Variants in CPNE2 observed in about 807,000 individuals in gnomAD.
CPNE2 encodes the protein copine-2.
A neutral mutation model predicts 69.7 loss-of-function variants in CPNE2; 42 were observed. The ratio of observed to expected loss-of-function variants is 0.60; its 90% CI spans 0.47 to 0.78. The LOEUF (loss-of-function observed/expected upper bound fraction) is 0.78, where lower values mean the gene tolerates loss of function less well. Among genes scored for constraint, CPNE2 ranks in the 30% least tolerant of loss-of-function variants. The probability of loss-of-function intolerance (pLI) is 0.00; values close to 1 mark genes in which losing one functional copy is unlikely to be tolerated. For synonymous variants in CPNE2, 294 were observed against 289.8 expected (o/e 1.01, Z -0.15); for missense variants, 587 against 732.0 (o/e 0.80, Z 2.29).
chr16:57,146,016 A>G lies in CPNE2; in HGVS notation c.1303-69A>G. ...TCCAGGACTCGGAGGGTTTGGGATG[A>G]AGGAGGGAGGGAGAAGGGGTGCCAG... On this transcript the variant is annotated intron_variant, in intron 14 of 15. Transcript: ENST00000290776. This position sits in a 1 kb window ranked among gnomAD's most constrained non-coding sequence, Gnocchi z 4.4. 1 of 1,330,712 alleles carries G rather than the reference A, an allele frequency of 7.5e-7. No individual in the cohort carries two copies. The highest frequency in any genetic ancestry group is 1.1e-6 in the Non-Finnish European group (1 of 943,652). The allele number at this position is 1,330,712 out of a possible 1,614,324, so 82.4% of individuals were successfully genotyped here. A position where few individuals can be genotyped will look rare whatever the true frequency, so the allele number is the denominator to read the frequency against.
chr16:57,118,416 G>A (rs1023254015), intron 5 of CPNE2, among the ~76,000 whole-genome samples: 6 of 150,728 alleles, frequency 4.0e-5, no homozygotes, highest in Admixed American at 6.7e-5. Context: ...CTTGTGATCC[G>A]CCTACCTCGG....
Position 57,125,930 on chromosome 16 carries a change from T to C in CPNE2, c.998T>C (p.Met333Thr), listed in dbSNP as rs1222877834. 4 of 1,614,046 alleles carry C rather than the reference T, an allele frequency of 2.5e-6. No individual in the cohort carries two copies. The East Asian group carries it at 6.7e-5, about 27-fold the overall frequency. ...TCCTCTTTGCACTATATCAACCCTATGGGCACCAACGAATATCTGTCGGCC... is the reference window on the plus strand; with the variant it reads ...TCCTCTTTGCACTATATCAACCCTACGGGCACCAACGAATATCTGTCGGCC... ...DPSSLHYINP[M>T]GTNEYLSAIW... Residue 333 changes from methionine to threonine, a missense_variant, in exon 11 of 16, where the codon ATG becomes ACG. This residue lies in a region of CPNE2 where 269 missense variants were observed against 300.5 expected (regional missense o/e 0.90). Transcript: ENST00000290776.
At chr16:57,114,456 C>T (rs554654051) in intron 3 of CPNE2, among the ~76,000 whole-genome samples, 23 of 152,170 alleles carry the variant, frequency 1.5e-4, no homozygotes, top group African/African-American at 4.8e-4. Flanking sequence ...CCACCTCTCA[C>T]GCCACCTGCT....
chr16:57,101,235 A>C (rs2069611355), intron 1 of CPNE2, among the ~76,000 whole-genome samples: 1 of 152,214 alleles, frequency 6.6e-6, no homozygotes, highest in Non-Finnish European at 1.5e-5. Context: ...TAATTCTTGA[A>C]AATACATTTC....
In CPNE2 at chr16:57,114,934, CAAAAAAAAAAA is replaced by C. The variant is rs55845635; in HGVS notation, c.361-526_361-516del. ...CAACATAATGAGCCCTTGTCTCTAC[CAAAAAAAAAAA>C]AAAAAAAAAAAAAAAGCCAGGCGTG... is the stretch of plus-strand genomic sequence containing the variant. On this transcript the variant is annotated intron_variant, in intron 3 of 15. Coordinates refer to ENST00000290776, the MANE Select transcript of CPNE2 (RefSeq NM_152727.6). Among the ~76,000 whole-genome samples, 60 of 39,070 alleles carry C rather than the reference CAAAAAAAAAAA, an allele frequency of 1.5e-3. 1 individual carries two copies. Among genetic ancestry groups the C allele is most frequent in the Admixed American group, 5.1e-3 (15 of 2,958 alleles). 25.6% of individuals were successfully genotyped at this position (39,070 alleles called of 152,430 possible). A position where few individuals can be genotyped will look rare whatever the true frequency, so the allele number is the denominator to read the frequency against.
At chr16:57,099,071 C>CA (rs1298103022) in intron 1 of CPNE2, among the ~76,000 whole-genome samples, 2 of 152,178 alleles carry the variant, frequency 1.3e-5, no homozygotes, top group Non-Finnish European at 2.9e-5. Flanking sequence ...CAGAAACAGA[C>CA]ACGACCAGCA....
intron 1 of CPNE2, among the ~76,000 whole-genome samples, chr16:57,105,401 C>T (rs535328857): frequency 6.6e-6 from 1 of 152,094 alleles, no homozygotes; most frequent in South Asian, 2.1e-4. Context: ...GGTCAGTGGA[C>T]CCTGTGAGGG....
chr16:57,105,215 G>A (rs2069640591), intron 1 of CPNE2, among the ~76,000 whole-genome samples: 2 of 152,334 alleles, frequency 1.3e-5, no homozygotes, highest in African/African-American at 4.8e-5. Flanking sequence ...GACGGATGCT[G>A]AATGCAGCTT....
chr16:57,093,417 C>A (rs1438596264), intron 1 of CPNE2, among the ~76,000 whole-genome samples: 2 of 152,118 alleles, frequency 1.3e-5, no homozygotes, highest in Admixed American at 1.3e-4. Flanking sequence ...AGAGAGCGGG[C>A]GAACAAGGCC....
chr16:57,146,240 C>A lies in CPNE2; in HGVS notation c.1458C>A (p.Asp486Glu). The change falls in exon 15 of 16, where the codon GAC becomes GAA. Residue 486 changes from aspartate (D) to glutamate (E), a missense_variant. Coordinates refer to ENST00000290776, the MANE Select transcript of CPNE2 (RefSeq NM_152727.6). This position sits in a 1 kb window ranked among gnomAD's most constrained non-coding sequence, Gnocchi z 4.4. ...CTGCCATGGAGTTCCTGGATGGGGA[C>A]AGCCGCATGCTGCGCTCCCACACGG... ...DFAAMEFLDGDSRMLRSHTGE... is the reference protein window; with the variant it reads ...DFAAMEFLDGESRMLRSHTGE... 6.4e-7 allele frequency: 1 copy of A among 1,560,462 alleles called. No homozygotes were observed. Among genetic ancestry groups the A allele is most frequent in the Non-Finnish European group, 8.7e-7 (1 of 1,151,460 alleles).
chr16:57,105,009 TGAG>T (rs1298653984), intron 1 of CPNE2, among the ~76,000 whole-genome samples: 1 of 152,116 alleles, frequency 6.6e-6, no homozygotes. Flanking sequence ...GTGACCTGGA[TGAG>T]GAGGTCACAG....
chr16:57,106,881 C>T (rs1312096766), intron 1 of CPNE2, among the ~76,000 whole-genome samples: 1 of 152,196 alleles, frequency 6.6e-6, no homozygotes, highest in Non-Finnish European at 1.5e-5. Flanking sequence ...CCTCAGGCTC[C>T]CCTGGCCTGG....
In CPNE2 at chr16:57,121,075, G is replaced by C. The variant is rs112601091; in HGVS notation, c.682-18G>C. On this transcript the variant is annotated intron_variant, in intron 7 of 15. Transcript: ENST00000290776. ...CTTGGGGGACAGCTCTGGGGTGACC[G>C]TGCTGAACCCACCCCAGGTCATGTG... is the stretch of plus-strand genomic sequence containing the variant. 7.2e-4 allele frequency: 1,159 copies of C among 1,602,664 alleles called. 7 individuals are homozygous for C. In the African/African-American group the frequency reaches 0.014, roughly 20 times the overall value.
rs772405976 is a variant in CPNE2, at chr16:57,115,531, C to T, written c.416C>T (p.Ala139Val). 9.3e-6 allele frequency: 15 copies of T among 1,611,504 alleles called. No individual in the cohort carries two copies. Among genetic ancestry groups the T allele is most frequent in the East Asian group, 2.2e-5 (1 of 44,590 alleles). Reference sequence around the variant, plus strand: ...CTGCTGCTGCTGAATGACAAGCCTGCGGGGAAGGGCTTGATTACGGTACCA... The same window carrying T: ...CTGCTGCTGCTGAATGACAAGCCTGTGGGGAAGGGCTTGATTACGGTACCA... ...RPLLLLNDKP[A>V]GKGLITIAAQ... Residue 139 changes from alanine to valine, a missense_variant, in exon 4 of 16, where the codon GCG becomes GTG. Transcript: ENST00000290776.
Position 57,119,263 on chromosome 16 carries a change from G to A in CPNE2, c.576G>A (p.Leu192=). The A allele has an allele frequency of 6.2e-7, 1 of 1,614,136 alleles. No individual in the cohort carries two copies. Among genetic ancestry groups the A allele is most frequent in the South Asian group, 1.1e-5 (1 of 91,072 alleles). Residue 192 remains leucine, a synonymous_variant, in exon 6 of 16, where the codon CTG becomes CTA. Coordinates refer to ENST00000290776, the MANE Select transcript of CPNE2 (RefSeq NM_152727.6). The part of the protein sequence containing the change: ...YKPGDDGKWM[L]VHRTEVIKYT... ...CAGGAGACGATGGCAAGTGGATGCT[G>A]GTCCACAGGACTGAGGTGGGTACGT...
At chr16:57,138,750 C>T (rs1303824868) in intron 14 of CPNE2, among the ~76,000 whole-genome samples, 2 of 152,200 alleles carry the variant, frequency 1.3e-5, no homozygotes, top group Non-Finnish European at 2.9e-5. Flanking sequence ...CGTGCCTGGT[C>T]CAGTGCCTGG....
In CPNE2 at chr16:57,130,587, G is replaced by A. The variant is rs2069830632; in HGVS notation, c.1116+2684G>A. 6.6e-6 allele frequency among the ~76,000 whole-genome samples: 1 copy of A among 152,016 alleles called. No homozygotes were observed. Among genetic ancestry groups the A allele is most frequent in the South Asian group, 2.1e-4 (1 of 4,822 alleles). Reference sequence around the variant, plus strand: ...AACTAATTCTCACCAAAGCCAATGAGGTAGGCCCTGTTATGAACCCATTTT... The same window carrying A: ...AACTAATTCTCACCAAAGCCAATGAAGTAGGCCCTGTTATGAACCCATTTT... On this transcript the variant is annotated intron_variant, in intron 12 of 15. Transcript: ENST00000290776. The surrounding 1 kb of genome is among the most constrained non-coding windows in gnomAD (Gnocchi z 4.1).
chr16:57,123,569 T>C (rs1313345692), intron 10 of CPNE2, 96 bp downstream of exon 10: 4 of 1,349,858 alleles, frequency 3.0e-6, no homozygotes, highest in South Asian at 2.4e-5. Context: ...GGACTTAGGG[T>C]AGACTTCAGG....
rs74022134 is a variant in CPNE2 at position 57,094,543 on chromosome 16, A to G, written c.-36+1753A>G. On this transcript the variant is annotated intron_variant, in intron 1 of 15. Transcript: ENST00000290776. ...GTCCTCCTCCCAGTCCTCAGTTTTT[A>G]TATCTATACACCTTCATATTCTTTT... Among the ~76,000 whole-genome samples the G allele has an allele frequency of 8.8e-3, 1,335 of 152,332 alleles. 18 individuals carry two copies. Among genetic ancestry groups the G allele is most frequent in the African/African-American group, 0.031 (1,282 of 41,568 alleles).
Sources: allele counts gnomAD v4.1 joint callset (sites outside exome capture counted in the v4.1 genomes callset), GRCh38; gene constraint gnomAD v4.1.1; regional missense constraint gnomAD v4.1.1; non-coding constraint Gnocchi (gnomAD v3.1); transcripts MANE v1.5; gene names NCBI Gene and HGNC (gene_info 2026-07-23, HGNC 2026-07-21).